SLIT1: variants seen among roughly 807,000 people sequenced by gnomAD.
The protein encoded by SLIT1 is slit guidance ligand 1.
A neutral mutation model predicts 186.1 loss-of-function variants in SLIT1; 66 were observed. That is an observed-to-expected ratio of 0.35 (90% confidence interval 0.29 to 0.44). The LOEUF (loss-of-function observed/expected upper bound fraction) is 0.44, where lower values mean the gene tolerates loss of function less well. Ranked by LOEUF, SLIT1 falls within the 20% of genes least tolerant of loss-of-function variation. The probability of loss-of-function intolerance (pLI) is 1.00; values close to 1 mark genes in which losing one functional copy is unlikely to be tolerated. For missense variants in SLIT1, 1,638 were observed against 2,037.4 expected (o/e 0.80, Z 3.77); for synonymous variants, 761 against 833.8 (o/e 0.91, Z 1.50).
intron 4 of SLIT1, among the ~76,000 whole-genome samples, chr10:97,092,183 C>G (rs1377871683): frequency 6.6e-6 from 1 of 152,234 alleles, no homozygotes; most frequent in African/African-American, 2.4e-5. Context: ...GCTCTGAGGC[C>G]TCAAGAGTGG....
chr10:97,130,926 A>T (rs564053343), intron 4 of SLIT1, among the ~76,000 whole-genome samples: 123 of 152,224 alleles, frequency 8.1e-4, no homozygotes, highest in African/African-American at 2.9e-3. Context: ...CTCAGGGAAC[A>T]TGCTCTGTGA....
At chr10:97,153,935 C>G (rs1219441023) in intron 4 of SLIT1, 2 of 152,196 alleles carry the variant, frequency 1.3e-5, no homozygotes, top group African/African-American at 4.8e-5. Flanking sequence ...ACCTCCTGCT[C>G]TGGGAGCCTG....
chr10:97,034,419 G>A, intron 23 of SLIT1, 52 bp downstream of exon 23: 2 of 1,267,594 alleles, frequency 1.6e-6, no homozygotes, highest in East Asian at 4.6e-5. Flanking sequence ...GCTAGGGAAT[G>A]ACTCACAGCC....
intron 1 of SLIT1, among the ~76,000 whole-genome samples, chr10:97,165,351 C>T (rs1484656020): frequency 2.0e-5 from 3 of 152,182 alleles, no homozygotes; most frequent in Non-Finnish European, 4.4e-5. Context: ...TTGCAAAGGT[C>T]CCCATGGGGA....
At chr10:97,101,858 A>G (rs1849357596) in intron 4 of SLIT1, among the ~76,000 whole-genome samples, 1 of 152,216 alleles carries the variant, frequency 6.6e-6, no homozygotes, top group African/African-American at 2.4e-5. Flanking sequence ...CCATGGTCTG[A>G]TCACTGTTGG....
intron 4 of SLIT1, among the ~76,000 whole-genome samples, chr10:97,129,030 C>T (rs1266989579): frequency 6.6e-6 from 1 of 152,034 alleles, no homozygotes; most frequent in East Asian, 1.9e-4. Context: ...CCATTCAGTC[C>T]CAGCTTCTCT....
intron 4 of SLIT1, among the ~76,000 whole-genome samples, chr10:97,080,919 A>G (rs1849098021): frequency 6.6e-6 from 1 of 152,220 alleles, no homozygotes; most frequent in Admixed American, 6.5e-5. Flanking sequence ...ATGGCCTGGT[A>G]CCTGATCTCA....
In SLIT1 at chr10:97,018,992, G is replaced by A. The variant is rs764502402; in HGVS notation, c.2862C>T (p.Ser954=). The A allele has an allele frequency of 1.2e-5, 19 of 1,607,192 alleles. No homozygotes were observed. Among genetic ancestry groups the A allele is most frequent in the East Asian group, 2.2e-5 (1 of 44,846 alleles). The change falls in exon 27 of 37, where the codon AGC becomes AGT. Residue 954 remains serine (S), a synonymous_variant. Transcript: ENST00000266058. ...PLEVYRCACP[S]GYKGRDCEVS... ...CTCTGCCTCCACTCACCTTATAGCC[G>A]CTGGGGCAGGCGCACCTGTACACCT...
chr10:97,176,817 C>T (rs755138556), intron 1 of SLIT1, among the ~76,000 whole-genome samples: 11 of 151,726 alleles, frequency 7.2e-5, no homozygotes, highest in Non-Finnish European at 1.2e-4. Context: ...AAACGTGTAG[C>T]CACTGCTCTC....
At chr10:97,147,396 C>A (rs1849829249) in intron 4 of SLIT1, among the ~76,000 whole-genome samples, 1 of 152,142 alleles carries the variant, frequency 6.6e-6, no homozygotes, top group African/African-American at 2.4e-5. Context: ...CTAAATTGTG[C>A]ACTTACAAAT....
chr10:97,052,410 C>T (rs1848797821), intron 13 of SLIT1, among the ~76,000 whole-genome samples: 1 of 152,100 alleles, frequency 6.6e-6, no homozygotes, highest in African/African-American at 2.4e-5. Flanking sequence ...TGTATGATTC[C>T]ATTTTTATGA....
rs375915319 is a variant in SLIT1, at chr10:97,006,606, C to T, written c.3456G>A (p.Gln1152=). 6.2e-7 allele frequency: 1 copy of T among 1,614,158 alleles called. No homozygotes were observed. The highest frequency in any genetic ancestry group is 8.5e-7 in the Non-Finnish European group (1 of 1,179,964). Residue 1152 remains glutamine, a synonymous_variant, in exon 32 of 37, where the codon CAG becomes CAA. Coordinates refer to ENST00000266058, the MANE Select transcript of SLIT1 (RefSeq NM_003061.3). This position sits in a 1 kb window ranked among gnomAD's most constrained non-coding sequence, Gnocchi z 4.0. ...CVDQGNRPVC[Q]CLPGFGGPEC... ...CAGGGCCACCGAAGCCTGGGAGGCA[C>T]TGGCACACAGGCCTGTTGCCCTGGT...
At chr10:97,162,100 A>G (rs7907994) in intron 3 of SLIT1, among the ~76,000 whole-genome samples, 28,525 of 152,014 alleles carry the variant, frequency 0.19, 2,826 homozygotes, top group African/African-American at 0.23. Context: ...ATAATCCACC[A>G]CTCACTATAA....
intron 21 of SLIT1, 54 bp downstream of exon 21, chr10:97,039,934 A>G: frequency 6.3e-7 from 1 of 1,592,490 alleles, no homozygotes; most frequent in Admixed American, 1.7e-5. Context: ...AAATGCCCCC[A>G]CTGTCCCCGT....
chr10:97,125,207 G>T (rs1249965400), intron 4 of SLIT1, among the ~76,000 whole-genome samples: 1 of 152,164 alleles, frequency 6.6e-6, no homozygotes, highest in Non-Finnish European at 1.5e-5. Flanking sequence ...CCATTTCTAG[G>T]AGTGGGTCCT....
In SLIT1 at chr10:97,004,977, C is replaced by A. The variant is rs1848347721; in HGVS notation, c.3580-154G>T. On this transcript the variant is annotated intron_variant, in intron 32 of 36. Transcript: ENST00000266058. The surrounding 1 kb of genome is among the most constrained non-coding windows in gnomAD (Gnocchi z 5.1). ...GGCCAGCCTCCCCAAGGCCATTCCT[C>A]CAGGGGGCACCAATAGGGGCTGCAG... Among the ~76,000 whole-genome samples, 1 of 152,204 alleles carries A rather than the reference C, an allele frequency of 6.6e-6. No homozygotes were observed. Among genetic ancestry groups the A allele is most frequent in the Admixed American group, 6.5e-5 (1 of 15,282 alleles).
intron 1 of SLIT1, among the ~76,000 whole-genome samples, chr10:97,165,410 T>C (rs1256635643): frequency 6.6e-6 from 1 of 152,072 alleles, no homozygotes; most frequent in African/African-American, 2.4e-5. Context: ...TGCCGTATTC[T>C]AAGCAGGAGA....
intron 4 of SLIT1, among the ~76,000 whole-genome samples, chr10:97,152,263 A>G (rs1402345064): frequency 6.6e-6 from 1 of 152,168 alleles, no homozygotes; most frequent in Admixed American, 6.5e-5. Context: ...CTCGAGAAAA[A>G]AAAACAAAAC....
intron 10 of SLIT1, among the ~76,000 whole-genome samples, 160 bp downstream of exon 10, chr10:97,059,927 C>T (rs370205494): frequency 6.6e-6 from 1 of 152,218 alleles, no homozygotes; most frequent in South Asian, 2.1e-4. Context: ...GAGGTCCCCG[C>T]ATCACAGCCA....
Sources: gnomAD v4.1 joint callset for allele counts (sites outside exome capture counted in the v4.1 genomes callset) on GRCh38, gnomAD v4.1.1 for gene constraint, Gnocchi (gnomAD v3.1) non-coding constraint, MANE v1.5 for transcripts, NCBI Gene and HGNC (gene_info 2026-07-23, HGNC 2026-07-21) for gene names.